The following APOOL variants were observed in gnomAD, a reference collection of about 807,000 sequenced individuals.
APOOL encodes the protein apolipoprotein O like, also known as MICOS complex subunit MIC27.
A neutral mutation model predicts 23.1 loss-of-function variants in APOOL; 12 were observed. That is an observed-to-expected ratio of 0.52 (90% CI 0.33 to 0.84). The LOEUF (loss-of-function observed/expected upper bound fraction) is 0.84, where lower values mean the gene tolerates loss of function less well. Ranked by LOEUF, APOOL falls within the 40% of genes least tolerant of loss-of-function variation. APOOL has a pLI of 0.02. For missense variants in APOOL, 212 were observed against 199.6 expected, an observed-to-expected ratio of 1.06 and a Z score of -0.37; for synonymous variants, 77 against 69.9, an observed-to-expected ratio of 1.10 and a Z score of -0.51.
intron 1 of APOOL, among the ~76,000 whole-genome samples, chrX:85,039,165 A>G (rs1306618672): frequency 9.1e-6 from 1 of 110,412 alleles, no homozygotes; most frequent in Non-Finnish European, 1.9e-5. Flanking sequence ...TGTGTACCCA[A>G]AAGTAATTCA....
At chrX:85,065,745 G>C (rs1923434959) in intron 5 of APOOL, among the ~76,000 whole-genome samples, 1 of 110,825 alleles carries the variant, frequency 9.0e-6, no homozygotes. Flanking sequence ...CTATGTTTAG[G>C]AGCAGCACAA....
At chrX:85,018,997 A>C (rs1921569337) in intron 1 of APOOL, among the ~76,000 whole-genome samples, 1 of 110,982 alleles carries the variant, frequency 9.0e-6, no homozygotes, top group African/African-American at 3.3e-5. Flanking sequence ...TGGTGGCTAT[A>C]GTGGCTAGGG....
At chrX:85,057,261 C>G in intron 5 of APOOL, among the ~76,000 whole-genome samples, 1 of 109,879 alleles carries the variant, frequency 9.1e-6, no homozygotes, top group Admixed American at 9.9e-5. Flanking sequence ...TTTCATCCAT[C>G]CTTTGTCCAC....
chrX:85,074,539 G>A (rs1923779740), intron 8 of APOOL, 148 bp downstream of exon 8: 1 of 654,544 alleles, frequency 1.5e-6, no homozygotes, highest in Non-Finnish European at 2.3e-6. Context: ...TTTAGGTTAT[G>A]AGGTACTTAA....
At chrX:85,007,181 T>C (rs182819979) in intron 1 of APOOL, among the ~76,000 whole-genome samples, 151 of 111,352 alleles carry the variant, frequency 1.4e-3, no homozygotes, top group African/African-American at 4.6e-3. Context: ...AAAGTATCAG[T>C]AGACATTGAA....
At chrX:85,082,517 T>G (rs2147668471) in intron 8 of APOOL, among the ~76,000 whole-genome samples, 1 of 111,072 alleles carries the variant, frequency 9.0e-6, no homozygotes, top group African/African-American at 3.3e-5. Flanking sequence ...ATGTATGAGG[T>G]GTCCTGACTC....
chrX:85,033,866 C>G (rs1162255780), intron 1 of APOOL, among the ~76,000 whole-genome samples: 1 of 111,772 alleles, frequency 8.9e-6, no homozygotes, highest in South Asian at 3.7e-4. Flanking sequence ...TACTGTGCCT[C>G]TGGTACTTTT....
At chrX:85,048,275 A>G (rs1405530951) in intron 2 of APOOL, among the ~76,000 whole-genome samples, 1 of 109,336 alleles carries the variant, frequency 9.1e-6, no homozygotes, top group East Asian at 2.8e-4. Flanking sequence ...CCGCTAACTG[A>G]TTCTAAGTAT....
intron 1 of APOOL, among the ~76,000 whole-genome samples, chrX:85,044,620 C>T (rs1302287308): frequency 9.0e-6 from 1 of 111,004 alleles, no homozygotes; most frequent in Non-Finnish European, 1.9e-5. Flanking sequence ...ATACTGCCTC[C>T]TCAATAAAAG....
chrX:85,074,371 C>G lies in APOOL; in HGVS notation c.698C>G (p.Thr233Ser). Reference protein sequence around the residue: ...LPTELSSEAKTKSESTSGATQ... With the variant: ...LPTELSSEAKSKSESTSGATQ... ...ACAGAACTCAGCTCTGAAGCAAAGA[C>G]CAAATCAGAATCCACTTCAGGTTTG... Residue 233 changes from threonine (T) to serine (S), a missense_variant, in exon 8 of 9, where the codon ACC (threonine) becomes AGC (serine). Coordinates refer to ENST00000373173, the MANE Select transcript of APOOL (RefSeq NM_198450.6). The G allele has an allele frequency of 8.3e-7, 1 of 1,210,849 alleles. No individual in the cohort carries two copies. Among genetic ancestry groups the G allele is most frequent in the Non-Finnish European group, 1.1e-6 (1 of 894,903 alleles).
At chrX:85,004,808 C>A (rs5967537) in intron 1 of APOOL, among the ~76,000 whole-genome samples, 3,895 of 111,027 alleles carry the variant, frequency 0.035, 74 homozygotes, top group Middle Eastern at 0.13. Flanking sequence ...TGCCTCCCCC[C>A]GCATTTAAAA....
At chrX:85,009,605 A>G (rs141907470) in intron 1 of APOOL, among the ~76,000 whole-genome samples, 1,291 of 111,253 alleles carry the variant, frequency 0.012, 20 homozygotes, top group African/African-American at 0.036. Context: ...GATCATGGTG[A>G]ATGAGCCTTT....
intron 4 of APOOL, among the ~76,000 whole-genome samples, chrX:85,054,868 T>G (rs1285369989): frequency 8.9e-6 from 1 of 111,750 alleles, no homozygotes; most frequent in Non-Finnish European, 1.9e-5. Flanking sequence ...AAGTGCTACT[T>G]GCTGTTAAAA....
chrX:85,058,859 T>G (rs1923075256), intron 5 of APOOL, among the ~76,000 whole-genome samples: 1 of 111,422 alleles, frequency 9.0e-6, no homozygotes, highest in Non-Finnish European at 1.9e-5. Flanking sequence ...ATTGGCCACA[T>G]GTATGTCTTC....
Position 85,009,059 on chromosome X carries a change from C to T in APOOL, c.15+5132C>T, listed in dbSNP as rs185573877. On this transcript the variant is annotated intron_variant, in intron 1 of 8. Transcript: ENST00000373173. ...CTTTCTTTTTTGGGTAGATCATCTTCGATAGTGTATAGAAATGTAACTGCT... is the reference window on the plus strand; with the variant it reads ...CTTTCTTTTTTGGGTAGATCATCTTTGATAGTGTATAGAAATGTAACTGCT... 2.7e-3 allele frequency among the ~76,000 whole-genome samples: 302 copies of T among 111,274 alleles called. 2 individuals carry two copies. Among genetic ancestry groups the T allele is most frequent in the Non-Finnish European group, 5.0e-3 (263 of 52,960 alleles).
Position 85,074,372 on chromosome X carries a change from C to T in APOOL, c.699C>T (p.Thr233=). The change falls in exon 8 of 9, where the codon ACC becomes ACT. Residue 233 remains threonine, a synonymous_variant. Transcript: ENST00000373173. ...LPTELSSEAK[T]KSESTSGATQ... The stretch of plus-strand genomic sequence containing the variant: ...CAGAACTCAGCTCTGAAGCAAAGAC[C>T]AAATCAGAATCCACTTCAGGTTTGT... 8.3e-7 allele frequency: 1 copy of T among 1,210,684 alleles called. No individual in the cohort carries two copies. The highest frequency in any genetic ancestry group is 3.0e-5 in the East Asian group (1 of 33,814).
At chrX:85,026,925 C>T (rs1202684682) in intron 1 of APOOL, among the ~76,000 whole-genome samples, 2 of 111,945 alleles carry the variant, frequency 1.8e-5, no homozygotes, top group African/African-American at 6.5e-5. Context: ...GTCCATTACC[C>T]AGTTGCAGAG....
At chrX:85,070,684 G>T (rs956487233) in intron 6 of APOOL, among the ~76,000 whole-genome samples, 11 of 110,722 alleles carry the variant, frequency 9.9e-5, no homozygotes, top group Non-Finnish European at 1.7e-4. Context: ...CACCACCCAT[G>T]CAGCACATTA....
intron 5 of APOOL, among the ~76,000 whole-genome samples, chrX:85,057,693 A>G (rs1305570296): frequency 9.3e-6 from 1 of 107,881 alleles, no homozygotes; most frequent in Non-Finnish European, 1.9e-5. Flanking sequence ...TGGATGATAT[A>G]TATATATATC....
Sources: gnomAD v4.1 joint callset for allele counts (sites outside exome capture counted in the v4.1 genomes callset) on GRCh38, gnomAD v4.1.1 for gene constraint, MANE v1.5 for transcripts, NCBI Gene and HGNC (gene_info 2026-07-23, HGNC 2026-07-21) for gene names.